The following CCDC141 variants were observed in gnomAD, a reference collection of about 807,000 sequenced individuals.
CCDC141 encodes coiled-coil domain-containing protein 141.
CCDC141 carries 168 observed loss-of-function variants against 181.0 expected under a neutral mutation model. The observed-to-expected ratio is 0.93, with a 90% CI of 0.82 to 1.05. The LOEUF (loss-of-function observed/expected upper bound fraction) is 1.05, where lower values mean the gene tolerates loss of function less well. Ranked by LOEUF, CCDC141 falls within the 50% of genes least tolerant of loss-of-function variation. The pLI is 0.00. For missense variants in CCDC141, 1,902 were observed against 1,788.5 expected, an observed-to-expected ratio of 1.06 and a Z score of -1.14; for synonymous variants, 666 against 642.3, an observed-to-expected ratio of 1.04 and a Z score of -0.56.
At chr2:178,986,628 AC>A (rs1389364370) in intron 2 of CCDC141, among the ~76,000 whole-genome samples, 2 of 151,758 alleles carry the variant, frequency 1.3e-5, no homozygotes, top group African/African-American at 4.8e-5. Context: ...GTCTCAGGAT[AC>A]AAAATCAATG....
chr2:178,905,093 A>C (rs1687900276), intron 8 of CCDC141, among the ~76,000 whole-genome samples: 1 of 152,210 alleles, frequency 6.6e-6, no homozygotes, highest in Non-Finnish European at 1.5e-5. Flanking sequence ...GAAACGAGTA[A>C]ACAGAAAGCT....
At chr2:178,901,528 C>A (rs185063957) in intron 8 of CCDC141, among the ~76,000 whole-genome samples, 106 of 152,254 alleles carry the variant, frequency 7.0e-4, no homozygotes, top group Non-Finnish European at 1.2e-3. Flanking sequence ...TCAATAGATG[C>A]AGAAAAGGCC....
At chr2:178,947,853 C>A (rs1350739179) in intron 5 of CCDC141, among the ~76,000 whole-genome samples, 1 of 152,140 alleles carries the variant, frequency 6.6e-6, no homozygotes, top group Non-Finnish European at 1.5e-5. Context: ...GTGTAAAGCA[C>A]ACAGCAGGTT....
chr2:179,035,882 C>T (rs75112171), intron 2 of CCDC141, among the ~76,000 whole-genome samples: 1 of 152,256 alleles, frequency 6.6e-6, no homozygotes, highest in Admixed American at 6.5e-5. Context: ...CAGGAGGAGA[C>T]ATTTCAAAGA....
chr2:178,984,529 T>C (rs1428828409), intron 2 of CCDC141, among the ~76,000 whole-genome samples: 13 of 151,616 alleles, frequency 8.6e-5, no homozygotes, highest in Non-Finnish European at 1.5e-4. Flanking sequence ...GCAAATTGGA[T>C]AAAGAGTCAA....
chr2:178,981,560 A>G (rs1010802897), intron 2 of CCDC141, among the ~76,000 whole-genome samples: 3 of 149,746 alleles, frequency 2.0e-5, no homozygotes, highest in African/African-American at 7.3e-5. Context: ...AAATGAAAAT[A>G]TGATGTATCA....
chr2:178,978,945 C>T (rs1336395002), intron 2 of CCDC141, among the ~76,000 whole-genome samples: 2 of 152,036 alleles, frequency 1.3e-5, no homozygotes, highest in Non-Finnish European at 2.9e-5. Flanking sequence ...TGTCTACATT[C>T]CCAAGGGGTA....
Position 178,837,199 on chromosome 2 carries a change from AC to A in CCDC141, c.4019del (p.Gly1340ValfsTer4). The A allele has an allele frequency of 6.2e-7, 1 of 1,613,900 alleles. No individual in the cohort carries two copies. The highest frequency in any genetic ancestry group is 1.1e-5 in the South Asian group (1 of 91,078). ...RALQQHPQAQ[G>X]GLLETREKMH... The stretch of plus-strand genomic sequence containing the variant: ...TTTTCTCCCGTGTTTCTAGCAAACC[AC>A]CCTGAGCCTGAGGGTGCTGCTGTAA... On this transcript the variant is annotated frameshift_variant, in exon 23 of 24. Transcript: ENST00000443758. LOFTEE classifies it high-confidence loss of function.
intron 12 of CCDC141, chr2:178,877,330 A>G (rs1426071685): frequency 6.6e-6 from 1 of 152,250 alleles, no homozygotes; most frequent in Non-Finnish European, 1.5e-5. Context: ...TATATTTAAC[A>G]TTAAAAAAAG....
chr2:178,879,854 G>A (rs1475691682), intron 11 of CCDC141, among the ~76,000 whole-genome samples: 5 of 152,226 alleles, frequency 3.3e-5, no homozygotes, highest in Non-Finnish European at 7.3e-5. Context: ...TAGCTGTGAA[G>A]ACACTCGCTG....
chr2:179,037,640 C>A (rs927092511), intron 2 of CCDC141, among the ~76,000 whole-genome samples: 1 of 152,200 alleles, frequency 6.6e-6, no homozygotes, highest in African/African-American at 2.4e-5. Flanking sequence ...AGAACTTCTA[C>A]AACTCAACAA....
chr2:178,825,837 G>C (rs1347227511), downstream of CCDC141, among the ~76,000 whole-genome samples: 1 of 152,012 alleles, frequency 6.6e-6, no homozygotes, highest in Admixed American at 6.6e-5. Context: ...CTTCTGCTTT[G>C]GTGATTTTGC....
intron 22 of CCDC141, among the ~76,000 whole-genome samples, chr2:178,839,033 A>G (rs751570819): frequency 2.0e-5 from 3 of 152,194 alleles, no homozygotes; most frequent in Non-Finnish European, 2.9e-5. Flanking sequence ...TAACTGATGC[A>G]TATAGGAAAG....
the CCDC141 span, among the ~76,000 whole-genome samples, chr2:178,816,570 C>T: frequency 2.0e-5 from 3 of 152,168 alleles, no homozygotes; most frequent in Non-Finnish European, 2.9e-5. Context: ...AAACTAATTC[C>T]TGGATTGTAT....
At chr2:179,015,220 CATATATACCTCATAT>C (rs200261773) in intron 2 of CCDC141, among the ~76,000 whole-genome samples, 6 of 124,014 alleles carry the variant, frequency 4.8e-5, no homozygotes, top group African/African-American at 9.6e-5. Context: ...TCATATATCT[CATATATACCTCATAT>C]ATATATCTCA....
At chr2:178,902,587 C>T (rs1160577118) in intron 8 of CCDC141, among the ~76,000 whole-genome samples, 3 of 152,136 alleles carry the variant, frequency 2.0e-5, no homozygotes, top group Non-Finnish European at 4.4e-5. Context: ...CCTCCTTACA[C>T]CTTATGCAAA....
At chr2:178,906,880 C>G (rs1687997412) in intron 7 of CCDC141, among the ~76,000 whole-genome samples, 1 of 152,082 alleles carries the variant, frequency 6.6e-6, no homozygotes, top group Admixed American at 6.5e-5. Context: ...TGCGCTCATG[C>G]CCCTGTGCCT....
At chr2:178,969,898 C>T (rs1447297845) in intron 4 of CCDC141, among the ~76,000 whole-genome samples, 1 of 152,180 alleles carries the variant, frequency 6.6e-6, no homozygotes, top group Non-Finnish European at 1.5e-5. Flanking sequence ...CCCAAAATCT[C>T]CTTAAGCTGA....
At chr2:178,956,258 G>T (rs552483226) in intron 5 of CCDC141, among the ~76,000 whole-genome samples, 1 of 152,272 alleles carries the variant, frequency 6.6e-6, no homozygotes, top group South Asian at 2.1e-4. Flanking sequence ...AAGAGAAAAT[G>T]TAACATAGGT....
Sources: gnomAD v4.1 joint callset for allele counts (sites outside exome capture counted in the v4.1 genomes callset) on GRCh38, gnomAD v4.1.1 for gene constraint, MANE v1.5 for transcripts, NCBI Gene and HGNC (gene_info 2026-07-23, HGNC 2026-07-21) for gene names.